The following GATAD2B variants were observed in gnomAD, a reference collection of about 807,000 sequenced individuals.
GATAD2B encodes the protein transcriptional repressor p66-beta.
A neutral mutation model predicts 64.3 loss-of-function variants in GATAD2B; 8 were observed. The ratio of observed to expected loss-of-function variants is 0.12; its 90% CI spans 0.07 to 0.22. The LOEUF (loss-of-function observed/expected upper bound fraction) is 0.22. Ranked by LOEUF, GATAD2B falls within the 10% of genes least tolerant of loss-of-function variation. The pLI is 1.00. For missense variants in GATAD2B, 453 were observed against 752.0 expected, an observed-to-expected ratio of 0.60 and a Z score of 4.65; for synonymous variants, 281 against 271.3, an observed-to-expected ratio of 1.04 and a Z score of -0.35.
At chr1:153,860,062 T>A (rs1676229513) in intron 1 of GATAD2B, among the ~76,000 whole-genome samples, 1 of 151,776 alleles carries the variant, frequency 6.6e-6, no homozygotes, top group Admixed American at 6.6e-5. Context: ...ATTACAGGTG[T>A]GGCCACCACG....
intron 7 of GATAD2B, among the ~76,000 whole-genome samples, chr1:153,814,086 A>T (rs1674377859): frequency 1.3e-5 from 2 of 152,252 alleles, no homozygotes; most frequent in African/African-American, 4.8e-5. Context: ...ATTCAAAGTC[A>T]AAGGACTCTA....
At chr1:153,876,693 G>A (rs12142130) in intron 1 of GATAD2B, among the ~76,000 whole-genome samples, 27,283 of 152,206 alleles carry the variant, frequency 0.18, 3,160 homozygotes, top group Non-Finnish European at 0.26. Flanking sequence ...AAATGTGCCA[G>A]ACAATCATTT....
chr1:153,881,422 G>A (rs1677006368), intron 1 of GATAD2B, among the ~76,000 whole-genome samples: 1 of 152,340 alleles, frequency 6.6e-6, no homozygotes, highest in African/African-American at 2.4e-5. Context: ...TACCATTATA[G>A]CAAATGGATG....
At chr1:153,813,666 G>A (rs1165295665) in intron 7 of GATAD2B, among the ~76,000 whole-genome samples, 1 of 152,174 alleles carries the variant, frequency 6.6e-6, no homozygotes, top group Non-Finnish European at 1.5e-5. Flanking sequence ...ATTTACAAAT[G>A]AGGACAGAAG....
intron 1 of GATAD2B, among the ~76,000 whole-genome samples, chr1:153,907,242 C>T (rs1479783351): frequency 1.3e-5 from 2 of 152,136 alleles, no homozygotes; most frequent in African/African-American, 4.8e-5. Context: ...CAGCCGAAGG[C>T]GGAAACAATC....
At chr1:153,876,303 G>C (rs1303235907) in intron 1 of GATAD2B, among the ~76,000 whole-genome samples, 1 of 140,058 alleles carries the variant, frequency 7.1e-6, no homozygotes, top group African/African-American at 2.7e-5. Context: ...TAAAACACAG[G>C]ACTGTCTTAC....
intron 2 of GATAD2B, among the ~76,000 whole-genome samples, chr1:153,827,168 G>A (rs191724407): frequency 6.6e-6 from 1 of 150,508 alleles, no homozygotes; most frequent in Non-Finnish European, 1.5e-5. Flanking sequence ...TGGGGTTGAG[G>A]GGGGAAGATC....
chr1:153,840,227 G>A (rs565738992), intron 1 of GATAD2B, among the ~76,000 whole-genome samples: 1 of 150,720 alleles, frequency 6.6e-6, no homozygotes, highest in Admixed American at 6.6e-5. Flanking sequence ...AGAGACGGGG[G>A]TTTCACCATG....
intron 1 of GATAD2B, among the ~76,000 whole-genome samples, chr1:153,843,622 T>G (rs1360099333): frequency 6.6e-6 from 1 of 152,082 alleles, no homozygotes; most frequent in African/African-American, 2.4e-5. Flanking sequence ...CATAAAGCTC[T>G]ACTTCATTTG....
At chr1:153,828,594 A>T (rs922134578) in intron 1 of GATAD2B, among the ~76,000 whole-genome samples, 4 of 152,204 alleles carry the variant, frequency 2.6e-5, no homozygotes, top group Non-Finnish European at 5.9e-5. Flanking sequence ...AAGTAAACTT[A>T]AATCTACATA....
At chr1:153,846,607 G>A (rs1212731647) in intron 1 of GATAD2B, among the ~76,000 whole-genome samples, 1 of 146,482 alleles carries the variant, frequency 6.8e-6, no homozygotes, top group Non-Finnish European at 1.5e-5. Context: ...TGTCGCCCAG[G>A]CTGGAATGCA....
At chr1:153,906,867 C>T (rs959700595) in intron 1 of GATAD2B, among the ~76,000 whole-genome samples, 2 of 152,080 alleles carry the variant, frequency 1.3e-5, no homozygotes, top group African/African-American at 4.8e-5. Flanking sequence ...AGGAAATATA[C>T]GAATAGCCAA....
chr1:153,851,283 T>C (rs1353065773), intron 1 of GATAD2B, among the ~76,000 whole-genome samples: 3 of 152,202 alleles, frequency 2.0e-5, no homozygotes, highest in Non-Finnish European at 4.4e-5. Context: ...GGATCCTGAT[T>C]TTATTTTGGA....
chr1:153,887,343 G>C (rs1677214183), intron 1 of GATAD2B, among the ~76,000 whole-genome samples: 1 of 152,174 alleles, frequency 6.6e-6, no homozygotes, highest in African/African-American at 2.4e-5. Context: ...GAAAAAGGCA[G>C]TTTAGTCTAA....
At chr1:153,866,968 C>A (rs554130148) in intron 1 of GATAD2B, among the ~76,000 whole-genome samples, 4 of 152,038 alleles carry the variant, frequency 2.6e-5, no homozygotes, top group Non-Finnish European at 5.9e-5. Flanking sequence ...TTAGTAGAAA[C>A]GGGGTTTCAC....
Position 153,808,426 on chromosome 1 carries a change from T to C in GATAD2B, c.*1751A>G, listed in dbSNP as rs1674174033. 6.6e-6 allele frequency: 1 copy of C among 152,652 alleles called. No individual in the cohort carries two copies. Among genetic ancestry groups the C allele is most frequent in the Non-Finnish European group, 1.5e-5 (1 of 68,042 alleles). The allele number at this position is 152,652 out of a possible 1,614,324, so 9.5% of individuals were successfully genotyped here. On this transcript the variant is annotated 3_prime_UTR_variant, in exon 11 of 11. Coordinates refer to ENST00000368655, the MANE Select transcript of GATAD2B (RefSeq NM_020699.4). Reference sequence around the variant, plus strand: ...TCTCCCACCCCACCTCCAAATTTTATGGGGAAGGTGTGCAGTTCATGTGTG... The same window carrying C: ...TCTCCCACCCCACCTCCAAATTTTACGGGGAAGGTGTGCAGTTCATGTGTG...
Position 153,810,090 on chromosome 1 carries a change from C to G in GATAD2B, c.*87G>C. ...TTTCCGTGTATGGTAGGCACCAGTA[C>G]AGGCACTGCATGCGACAGAAGTTGG... On this transcript the variant is annotated 3_prime_UTR_variant, in exon 11 of 11. Coordinates refer to ENST00000368655, the MANE Select transcript of GATAD2B (RefSeq NM_020699.4). The G allele has an allele frequency of 7.6e-7, 1 of 1,317,620 alleles. No individual in the cohort carries two copies. Among genetic ancestry groups the G allele is most frequent in the Non-Finnish European group, 1.1e-6 (1 of 946,020 alleles). 81.6% of individuals were successfully genotyped at this position (1,317,620 alleles called of 1,614,324 possible).
At chr1:153,852,689 T>C (rs1675943917) in intron 1 of GATAD2B, 2 of 918,914 alleles carry the variant, frequency 2.2e-6, no homozygotes, top group Non-Finnish European at 3.6e-6. Context: ...GCTTAGCTTC[T>C]TTAACCCTGC....
In GATAD2B at chr1:153,861,822, ATATATG is replaced by A. The variant is rs200223289; in HGVS notation, c.-1-33480_-1-33475del. 2.4e-3 allele frequency among the ~76,000 whole-genome samples: 333 copies of A among 136,256 alleles called. 2 individuals carry two copies. Among genetic ancestry groups the A allele is most frequent in the African/African-American group, 8.5e-3 (321 of 37,950 alleles). The allele number at this position is 136,256 out of a possible 152,430, so 89.4% of individuals were successfully genotyped here. A position where few individuals can be genotyped will look rare whatever the true frequency, so the allele number is the denominator to read the frequency against. On this transcript the variant is annotated intron_variant, in intron 1 of 10. Transcript: ENST00000368655. The stretch of plus-strand genomic sequence containing the variant: ...TATATATATATATACACATATGTAT[ATATATG>A]TATATGTATATATGTATGTACGTAT...
Sources: allele counts gnomAD v4.1 joint callset (sites outside exome capture counted in the v4.1 genomes callset), GRCh38; gene constraint gnomAD v4.1.1; transcripts MANE v1.5; gene names NCBI Gene and HGNC (gene_info 2026-07-23, HGNC 2026-07-21).